SDK1: variants seen among roughly 807,000 people sequenced by gnomAD.
SDK1 encodes protein sidekick-1.
Under a neutral mutation model 245.5 loss-of-function variants are expected in SDK1, and 157 were observed. The ratio of observed to expected loss-of-function variants is 0.64; its 90% CI spans 0.56 to 0.73. The LOEUF (loss-of-function observed/expected upper bound fraction) is 0.73, where lower values mean the gene tolerates loss of function less well. Ranked by LOEUF, SDK1 falls within the 30% of genes least tolerant of loss-of-function variation. The pLI is 0.00. For synonymous variants in SDK1, 1,647 were observed against 1,278.5 expected (o/e 1.29, Z -6.15); for missense variants, 3,583 against 3,002.3 (o/e 1.19, Z -4.52).
chr7:3,850,997 T>TA (rs1161976990), intron 5 of SDK1, among the ~76,000 whole-genome samples: 1 of 151,906 alleles, frequency 6.6e-6, no homozygotes, highest in Non-Finnish European at 1.5e-5. Flanking sequence ...CCCTAGAACT[T>TA]AAAGTATAAC....
intron 1 of SDK1, among the ~76,000 whole-genome samples, chr7:3,353,758 C>T (rs745926167): frequency 5.3e-5 from 8 of 152,090 alleles, no homozygotes; most frequent in African/African-American, 1.7e-4. Flanking sequence ...AGCATGCTTC[C>T]TTTTGCTGGT....
chr7:3,592,425 C>CT (rs1193630470), intron 1 of SDK1, among the ~76,000 whole-genome samples: 1 of 152,210 alleles, frequency 6.6e-6, no homozygotes, highest in African/African-American at 2.4e-5. Flanking sequence ...CCGCCTTCTA[C>CT]TTTAAGTCTT....
intron 17 of SDK1, among the ~76,000 whole-genome samples, chr7:4,018,836 T>C (rs906428209): frequency 1.3e-5 from 2 of 151,964 alleles, no homozygotes; most frequent in Non-Finnish European, 2.9e-5. Context: ...AATCTGTGCG[T>C]GGGTGTGCAG....
At chr7:4,001,694 G>A (rs1324896963) in intron 14 of SDK1, among the ~76,000 whole-genome samples, 1 of 152,198 alleles carries the variant, frequency 6.6e-6, no homozygotes, top group Admixed American at 6.5e-5. Flanking sequence ...CTTCCCAAAG[G>A]GAAGGATATC....
intron 1 of SDK1, among the ~76,000 whole-genome samples, chr7:3,564,632 C>T (rs1322274658): frequency 6.6e-6 from 1 of 151,830 alleles, no homozygotes; most frequent in Non-Finnish European, 1.5e-5. Flanking sequence ...AATAAATTCT[C>T]AGAAAAAAAT....
rs1344135441 is a variant in SDK1, at chr7:4,208,373, C to T, written c.5401+88C>T. ...CTCAGGTCCCCTCACACAGTGGTTC[C>T]CGGCCCGCCCAGGCGGAAGGCAACA... On this transcript the variant is annotated intron_variant, in intron 37 of 44. Coordinates refer to ENST00000404826, the MANE Select transcript of SDK1 (RefSeq NM_152744.4). 1.2e-5 allele frequency: 15 copies of T among 1,248,232 alleles called. No homozygotes were observed. The East Asian group carries it at 2.9e-4, about 24-fold the overall frequency. 77.3% of individuals were successfully genotyped at this position (1,248,232 alleles called of 1,614,324 possible).
intron 1 of SDK1, among the ~76,000 whole-genome samples, chr7:3,539,057 C>T (rs542952617): frequency 2.6e-5 from 4 of 151,944 alleles, no homozygotes; most frequent in Admixed American, 2.0e-4. Context: ...TTGTTGAATA[C>T]TTTCTGCGAT....
chr7:3,824,936 G>A (rs771553895), intron 5 of SDK1, among the ~76,000 whole-genome samples: 5 of 152,126 alleles, frequency 3.3e-5, no homozygotes, highest in African/African-American at 4.8e-5. Context: ...GTTCTGAACC[G>A]ATATTCCTGT....
In SDK1 at chr7:4,145,783, C is replaced by A; in HGVS notation, c.4290C>A (p.Val1430=). 1 of 1,613,628 alleles carries A rather than the reference C, an allele frequency of 6.2e-7. No individual in the cohort carries two copies. Among genetic ancestry groups the A allele is most frequent in the Non-Finnish European group, 8.5e-7 (1 of 1,179,814 alleles). Residue 1430 remains valine (V), a synonymous_variant, in exon 29 of 45, where the codon GTC becomes GTA. Transcript: ENST00000404826. ...SSPHTFTTVE[V]GATVRQFTAT... is the part of the protein sequence containing the mutation. ...CCCACACCTTCACCACCGTGGAGGT[C>A]GGCGCCACAGTGAGGCAGTTCACAG...
chr7:3,795,621 G>A (rs372752787), intron 4 of SDK1, among the ~76,000 whole-genome samples: 5 of 151,894 alleles, frequency 3.3e-5, no homozygotes, highest in South Asian at 2.1e-4. Flanking sequence ...CTTATTTATC[G>A]TGAAGAGTTA....
At chr7:4,084,181 A>G (rs1781278070) in intron 22 of SDK1, among the ~76,000 whole-genome samples, 2 of 152,220 alleles carry the variant, frequency 1.3e-5, no homozygotes, top group African/African-American at 4.8e-5. Flanking sequence ...ATAAATGCTT[A>G]ATTCTTTTCC....
intron 42 of SDK1, among the ~76,000 whole-genome samples, 181 bp downstream of exon 42, chr7:4,237,965 C>G (rs1476166411): frequency 6.6e-6 from 1 of 152,202 alleles, no homozygotes; most frequent in African/African-American, 2.4e-5. Context: ...AGCAAACGCT[C>G]TATGCCTCGG....
chr7:4,188,687 A>AG (rs1379434914), intron 35 of SDK1, among the ~76,000 whole-genome samples: 7 of 152,170 alleles, frequency 4.6e-5, no homozygotes, highest in South Asian at 4.2e-4. Flanking sequence ...ATCAAAAAAA[A>AG]AAAGAAAGAA....
intron 4 of SDK1, among the ~76,000 whole-genome samples, chr7:3,647,121 C>A (rs1474075099): frequency 6.6e-6 from 1 of 152,328 alleles, no homozygotes; most frequent in Admixed American, 6.5e-5. Flanking sequence ...GATGGTGGCT[C>A]ACACCTGTAC....
At chr7:3,737,750 G>T (rs1360778560) in intron 4 of SDK1, among the ~76,000 whole-genome samples, 1 of 152,310 alleles carries the variant, frequency 6.6e-6, no homozygotes, top group Non-Finnish European at 1.5e-5. Context: ...ACAGAAGGAG[G>T]CATCCTGGGA....
chr7:3,858,642 A>G (rs1320838758), intron 5 of SDK1, among the ~76,000 whole-genome samples: 1 of 151,954 alleles, frequency 6.6e-6, no homozygotes, highest in Admixed American at 6.6e-5. Flanking sequence ...AGGGAATGGT[A>G]TATCTGTACC....
intron 30 of SDK1, among the ~76,000 whole-genome samples, chr7:4,153,459 G>T (rs1780521449): frequency 6.6e-6 from 1 of 152,078 alleles, no homozygotes; most frequent in African/African-American, 2.4e-5. Context: ...GGTGGCATGT[G>T]CCTGTAATCC....
At chr7:3,411,937 T>G (rs1342041561) in intron 1 of SDK1, among the ~76,000 whole-genome samples, 1 of 152,156 alleles carries the variant, frequency 6.6e-6, no homozygotes, top group Non-Finnish European at 1.5e-5. Context: ...AAGAAATGAT[T>G]TCCAAACAGA....
chr7:3,788,468 T>A (rs544161260), intron 4 of SDK1, among the ~76,000 whole-genome samples: 1 of 152,264 alleles, frequency 6.6e-6, no homozygotes, highest in South Asian at 2.1e-4. Flanking sequence ...AGTCTGCATT[T>A]GAAGTGGAAT....
Sources: gnomAD v4.1 joint callset for allele counts (sites outside exome capture counted in the v4.1 genomes callset) on GRCh38, gnomAD v4.1.1 for gene constraint, MANE v1.5 for transcripts, NCBI Gene and HGNC (gene_info 2026-07-23, HGNC 2026-07-21) for gene names.